Variants in TYR observed in about 807,000 individuals in gnomAD.
TYR encodes LB24-AB.
TYR carries 58 observed loss-of-function variants against 51.5 expected under a neutral mutation model. That is an observed-to-expected ratio of 1.13 (90% CI 0.91 to 1.40). The LOEUF (loss-of-function observed/expected upper bound fraction) is 1.40, where lower values mean the gene tolerates loss of function less well. TYR is among the 40% of genes most tolerant of loss of function. The pLI, the probability that TYR is intolerant of heterozygous loss-of-function variation, is 0.00. For missense variants in TYR, 732 were observed against 647.4 expected (o/e 1.13, Z -1.42); for synonymous variants, 263 against 235.2 (o/e 1.12, Z -1.08).
intron 2 of TYR, among the ~76,000 whole-genome samples, chr11:89,208,187 G>T (rs1014405725): frequency 2.0e-5 from 3 of 152,176 alleles, no homozygotes; most frequent in African/African-American, 7.2e-5. Flanking sequence ...GGAGAATGGT[G>T]TGAATCCAGG....
chr11:89,229,773 C>T (rs185596094), intron 3 of TYR, among the ~76,000 whole-genome samples: 325 of 151,858 alleles, frequency 2.1e-3, no homozygotes, highest in Non-Finnish European at 3.1e-3. Flanking sequence ...CAAAAAGAAA[C>T]TAAGAAAACA....
At chr11:89,242,986 C>T (rs943767221) in intron 3 of TYR, among the ~76,000 whole-genome samples, 4 of 152,134 alleles carry the variant, frequency 2.6e-5, no homozygotes, top group African/African-American at 9.7e-5. Flanking sequence ...ATAATTCCAC[C>T]TTTGTCAGCG....
At chr11:89,251,265 T>A (rs1944328144) in intron 3 of TYR, among the ~76,000 whole-genome samples, 1 of 152,116 alleles carries the variant, frequency 6.6e-6, no homozygotes, top group Middle Eastern at 3.4e-3. Flanking sequence ...GAAAAGCTCC[T>A]TTACCAGATT....
At chr11:89,248,989 A>C (rs1944300249) in intron 3 of TYR, among the ~76,000 whole-genome samples, 1 of 152,326 alleles carries the variant, frequency 6.6e-6, no homozygotes, top group African/African-American at 2.4e-5. Context: ...TAGAAGCATT[A>C]GAGAGAAGAG....
chr11:89,228,863 C>T (rs1944007692), intron 3 of TYR, among the ~76,000 whole-genome samples: 1 of 152,100 alleles, frequency 6.6e-6, no homozygotes, highest in South Asian at 2.1e-4. Context: ...CAGCTGTCTA[C>T]TCTTGAAATT....
At chr11:89,205,599 G>GA (rs528959640) in intron 2 of TYR, among the ~76,000 whole-genome samples, 1 of 151,986 alleles carries the variant, frequency 6.6e-6, no homozygotes, top group African/African-American at 2.4e-5. Flanking sequence ...TTCAAATGCT[G>GA]AAAAAAATGA....
intron 3 of TYR, among the ~76,000 whole-genome samples, chr11:89,281,348 C>T (rs1445823092): frequency 2.0e-5 from 3 of 151,664 alleles, no homozygotes; most frequent in South Asian, 2.1e-4. Context: ...TATTTCACAA[C>T]GGTCACTCTC....
rs778827696 is a variant in TYR, at chr11:89,178,604, G to C, written c.651G>C (p.Arg217=). Residue 217 remains arginine (R), a synonymous_variant, in exon 1 of 5, where the codon CGG becomes CGC. Transcript: ENST00000263321. Reference sequence around the variant, plus strand: ...CTTGGCATAGACTCTTCTTGTTGCGGTGGGAACAAGAAATCCAGAAGCTGA... The same window carrying C: ...CTTGGCATAGACTCTTCTTGTTGCGCTGGGAACAAGAAATCCAGAAGCTGA... ...FLPWHRLFLL[R]WEQEIQKLTG... is the part of the protein sequence containing the mutation. 1 of 1,612,770 alleles carries C rather than the reference G, an allele frequency of 6.2e-7. No homozygotes were observed. The highest frequency in any genetic ancestry group is 1.7e-5 in the Admixed American group (1 of 59,830).
chr11:89,203,827 G>T (rs1197967275), intron 2 of TYR, among the ~76,000 whole-genome samples: 1 of 152,124 alleles, frequency 6.6e-6, no homozygotes, highest in African/African-American at 2.4e-5. Flanking sequence ...GACAAAGAAA[G>T]GTGCAGAAAA....
intron 2 of TYR, among the ~76,000 whole-genome samples, chr11:89,211,185 C>T (rs1185106690): frequency 6.6e-6 from 1 of 152,032 alleles, no homozygotes; most frequent in Non-Finnish European, 1.5e-5. Context: ...ATAGTCAAGA[C>T]CCATCGATGT....
intron 2 of TYR, among the ~76,000 whole-genome samples, chr11:89,217,099 A>G (rs1238714945): frequency 2.0e-5 from 3 of 152,186 alleles, no homozygotes; most frequent in East Asian, 3.9e-4. Flanking sequence ...CACTCTTACC[A>G]TAATGTTCTG....
intron 3 of TYR, among the ~76,000 whole-genome samples, chr11:89,243,345 G>A (rs1410923772): frequency 6.6e-6 from 1 of 152,170 alleles, no homozygotes; most frequent in African/African-American, 2.4e-5. Flanking sequence ...AAACAGGCAT[G>A]TTAATGTACA....
chr11:89,188,538 A>T (rs958807328), intron 1 of TYR, among the ~76,000 whole-genome samples: 1 of 152,040 alleles, frequency 6.6e-6, no homozygotes, highest in South Asian at 2.1e-4. Flanking sequence ...TGATTTGCCA[A>T]TTGTTGTGGT....
chr11:89,282,882 G>A (rs138726173), intron 3 of TYR, among the ~76,000 whole-genome samples: 136 of 151,878 alleles, frequency 9.0e-4, no homozygotes, highest in South Asian at 2.3e-3. Flanking sequence ...TAATACTTAG[G>A]AGGGGGAAGA....
chr11:89,260,438 C>T (rs1944443678), intron 3 of TYR, among the ~76,000 whole-genome samples: 1 of 151,874 alleles, frequency 6.6e-6, no homozygotes, highest in African/African-American at 2.4e-5. Flanking sequence ...TATTGTGACC[C>T]CAGATTTCTA....
intron 2 of TYR, among the ~76,000 whole-genome samples, chr11:89,209,559 C>T (rs1943723124): frequency 6.6e-6 from 1 of 152,208 alleles, no homozygotes; most frequent in African/African-American, 2.4e-5. Flanking sequence ...CATCAGACAG[C>T]TTATGCAGAA....
chr11:89,191,553 C>G (rs542586317), intron 2 of TYR, 135 bp downstream of exon 2: 1 of 813,166 alleles, frequency 1.2e-6, no homozygotes, highest in Non-Finnish European at 2.0e-6. Context: ...ATACTTATAT[C>G]GACAATGACC....
intron 2 of TYR, among the ~76,000 whole-genome samples, chr11:89,203,933 C>A (rs143570182): frequency 6.6e-6 from 1 of 152,308 alleles, no homozygotes; most frequent in African/African-American, 2.4e-5. Flanking sequence ...ACTGGGGAGA[C>A]TAGACTTCTA....
At chr11:89,220,921 G>A (rs1489231922) in intron 2 of TYR, among the ~76,000 whole-genome samples, 1 of 152,176 alleles carries the variant, frequency 6.6e-6, no homozygotes, top group Non-Finnish European at 1.5e-5. Context: ...TTAAGTAGTA[G>A]AGAAGAGAAA....
Sources: allele counts gnomAD v4.1 joint callset (sites outside exome capture counted in the v4.1 genomes callset), GRCh38; gene constraint gnomAD v4.1.1; transcripts MANE v1.5; gene names NCBI Gene and HGNC (gene_info 2026-07-23, HGNC 2026-07-21).